Variants in CUX1 observed in about 807,000 individuals in gnomAD.
The protein encoded by CUX1 is protein CASP.
Under a neutral mutation model 158.8 loss-of-function variants are expected in CUX1, and 31 were observed. The observed-to-expected ratio is 0.20, with a 90% CI of 0.15 to 0.26. CUX1 has a LOEUF of 0.26. Ranked by LOEUF, CUX1 falls within the 10% of genes least tolerant of loss-of-function variation. CUX1 has a pLI of 1.00. For synonymous variants in CUX1, 879 were observed against 862.1 expected, an observed-to-expected ratio of 1.02 and a Z score of -0.34; for missense variants, 1,589 against 2,014.6, an observed-to-expected ratio of 0.79 and a Z score of 4.04.
chr7:102,094,641 G>A (rs201445), intron 4 of CUX1, among the ~76,000 whole-genome samples: 1 of 152,022 alleles, frequency 6.6e-6, no homozygotes, highest in Non-Finnish European at 1.5e-5. Flanking sequence ...TATACTAGGT[G>A]TGTTCTTTAA....
intron 21 of CUX1, chr7:102,281,994 G>A: frequency 1.9e-6 from 2 of 1,072,672 alleles, no homozygotes; most frequent in Non-Finnish European, 1.4e-6. Flanking sequence ...GCAGGGGCCT[G>A]TTACGGTGGC....
chr7:101,906,334 G>C (rs1442944025), intron 1 of CUX1, among the ~76,000 whole-genome samples: 2 of 151,914 alleles, frequency 1.3e-5, no homozygotes, highest in African/African-American at 4.8e-5. Flanking sequence ...TATGAGGTGA[G>C]GCAGGAGGAG....
At chr7:102,224,872 G>A (rs1016363055) in intron 20 of CUX1, among the ~76,000 whole-genome samples, 1 of 152,208 alleles carries the variant, frequency 6.6e-6, no homozygotes, top group Non-Finnish European at 1.5e-5. Context: ...CTTGCTGTGG[G>A]TTAAAGGACA....
chr7:102,072,452 G>C (rs536918551), intron 4 of CUX1, among the ~76,000 whole-genome samples: 1 of 152,324 alleles, frequency 6.6e-6, no homozygotes, highest in South Asian at 2.1e-4. Context: ...ACTTCTATGC[G>C]AACGAAGACT....
At chr7:101,866,959 G>T (rs539016838) in intron 1 of CUX1, among the ~76,000 whole-genome samples, 2 of 152,216 alleles carry the variant, frequency 1.3e-5, no homozygotes, top group Non-Finnish European at 2.9e-5. Context: ...GGTGGCTCAC[G>T]CCTGTAATCC....
At chr7:102,275,175 A>C (rs1197540797) in intron 16 of CUX1, 1 of 1,089,318 alleles carries the variant, frequency 9.2e-7, no homozygotes, top group African/African-American at 1.6e-5. Flanking sequence ...GGGCTGGGGG[A>C]CCCACCCCAA....
At chr7:102,021,614 CTTTTTTTTTTTTT>C (rs67147187) in intron 2 of CUX1, among the ~76,000 whole-genome samples, 3 of 109,342 alleles carry the variant, frequency 2.7e-5, no homozygotes, top group Non-Finnish European at 6.1e-5. Flanking sequence ...TTTTTTTTCT[CTTTTTTTTTTTTT>C]TTTTTTTTTG....
At chr7:101,949,377 G>A (rs777221931) in intron 2 of CUX1, among the ~76,000 whole-genome samples, 5 of 151,966 alleles carry the variant, frequency 3.3e-5, no homozygotes, top group South Asian at 2.1e-4. Flanking sequence ...TGATCCGCCC[G>A]CCTAGGCCTC....
intron 2 of CUX1, among the ~76,000 whole-genome samples, chr7:101,924,504 A>G (rs1443203766): frequency 6.6e-6 from 1 of 151,514 alleles, no homozygotes; most frequent in African/African-American, 2.4e-5. Flanking sequence ...TTGTAACCCC[A>G]TCTTGGCATT....
At chr7:102,158,352 G>A (rs1205003092) in intron 8 of CUX1, among the ~76,000 whole-genome samples, 1 of 151,930 alleles carries the variant, frequency 6.6e-6, no homozygotes, top group East Asian at 1.9e-4. Context: ...CACCCCATAC[G>A]CACCAGACAC....
At chr7:101,922,117 C>CA (rs904203230) in intron 2 of CUX1, among the ~76,000 whole-genome samples, 128 of 143,120 alleles carry the variant, frequency 8.9e-4, no homozygotes, top group East Asian at 8.7e-3. Flanking sequence ...GATCCTGTCT[C>CA]AAAAAAAAAA....
At chr7:102,053,759 G>A (rs1416118263) in intron 3 of CUX1, among the ~76,000 whole-genome samples, 1 of 150,642 alleles carries the variant, frequency 6.6e-6, no homozygotes, top group Non-Finnish European at 1.5e-5. Flanking sequence ...TATATATTCT[G>A]GAGTATCTTT....
chr7:101,832,892 A>G (rs978885287), intron 1 of CUX1, among the ~76,000 whole-genome samples: 6 of 151,950 alleles, frequency 3.9e-5, no homozygotes, highest in Admixed American at 2.0e-4. Context: ...GAGCAGCGCC[A>G]TGGCCATGCA....
In CUX1 at chr7:102,097,432, A is replaced by G; in HGVS notation, c.337A>G (p.Thr113Ala). ...AGTGCAGCGCCTGCACGATATTGAA[A>G]CAGAGAACCAGAAACTTAGGGAAAC... ...LKVQRLHDIE[T>A]ENQKLRETLE... is the part of the protein sequence containing the mutation. The change falls in exon 5 of 24, where the codon ACA (threonine) becomes GCA (alanine). Residue 113 changes from threonine to alanine, a missense_variant. Physicochemically the swap from Thr to Ala is moderately conservative, Grantham distance 58 (BLOSUM62 0). Transcript: ENST00000292535. 1 of 1,613,732 alleles carries G rather than the reference A, an allele frequency of 6.2e-7. No individual in the cohort carries two copies. Among genetic ancestry groups the G allele is most frequent in the Non-Finnish European group, 8.5e-7 (1 of 1,179,936 alleles).
At chr7:101,836,483 A>C (rs1348466601) in intron 1 of CUX1, among the ~76,000 whole-genome samples, 2 of 151,282 alleles carry the variant, frequency 1.3e-5, no homozygotes, top group East Asian at 3.9e-4. Context: ...CCCCAACCCC[A>C]CCTGCCCTCC....
intron 3 of CUX1, among the ~76,000 whole-genome samples, chr7:102,041,500 C>T (rs1383334222): frequency 6.6e-6 from 1 of 151,360 alleles, no homozygotes; most frequent in East Asian, 2.0e-4. Context: ...GTGATCAACC[C>T]GCCTTGGCCT....
chr7:101,840,349 A>G (rs1384452089), intron 1 of CUX1, among the ~76,000 whole-genome samples: 1 of 152,104 alleles, frequency 6.6e-6, no homozygotes. Flanking sequence ...TTCTCTTTCT[A>G]CCAAAGGAGA....
At chr7:101,949,170 C>T (rs530658782) in intron 2 of CUX1, among the ~76,000 whole-genome samples, 8 of 152,134 alleles carry the variant, frequency 5.3e-5, no homozygotes, top group African/African-American at 1.7e-4. Flanking sequence ...CTCACTCTGT[C>T]GCCCAGGCTG....
rs541137808 is a variant in CUX1, at chr7:102,174,504, G to A, written c.828+3954G>A. ...TGTCTCTCCCAGCCATCACCCTATG[G>A]ACTGACAGGCCGCTGCTTCTCATCC... is the stretch of plus-strand genomic sequence containing the variant. On this transcript the variant is annotated intron_variant, in intron 10 of 23. Coordinates refer to ENST00000292535, the MANE Select transcript of CUX1 (RefSeq NM_181552.4). 2.1e-4 allele frequency among the ~76,000 whole-genome samples: 32 copies of A among 152,244 alleles called. No individual in the cohort carries two copies. The South Asian group carries it at 6.2e-3, about 30-fold the overall frequency.
Sources: gnomAD v4.1 joint callset for allele counts (sites outside exome capture counted in the v4.1 genomes callset) on GRCh38, gnomAD v4.1.1 for gene constraint, MANE v1.5 for transcripts, NCBI Gene and HGNC (gene_info 2026-07-23, HGNC 2026-07-21) for gene names.